The following WDR45B variants were observed in gnomAD, a reference collection of about 807,000 sequenced individuals.
The protein encoded by WDR45B is WD repeat domain phosphoinositide-interacting protein 3.
Under a neutral mutation model 44.6 loss-of-function variants are expected in WDR45B, and 20 were observed. The ratio of observed to expected loss-of-function variants is 0.45; its 90% CI spans 0.32 to 0.65. The LOEUF (loss-of-function observed/expected upper bound fraction) is 0.65, where lower values mean the gene tolerates loss of function less well. WDR45B is among the 30% of genes least tolerant of loss of function. WDR45B has a pLI of 0.05. For synonymous variants in WDR45B, 169 were observed against 164.9 expected, an observed-to-expected ratio of 1.02 and a Z score of -0.19; for missense variants, 323 against 430.2, an observed-to-expected ratio of 0.75 and a Z score of 2.20.
At chr17:82,634,181 T>C (rs1464028113) in intron 2 of WDR45B, among the ~76,000 whole-genome samples, 1 of 107,576 alleles carries the variant, frequency 9.3e-6, no homozygotes. Context: ...AAAAGGCTGA[T>C]TTTTATAAAT....
In WDR45B at chr17:82,648,380, G is replaced by T. The variant is rs770494664; in HGVS notation, c.-40C>A. ...GGGTCGCCGCTCCTCAGCGCTGCAT[G>T]CCTCTCGCTGGGGACGGCGGCCTGG... is the stretch of plus-strand genomic sequence containing the variant. On this transcript the variant is annotated 5_prime_UTR_variant, in exon 1 of 10. Transcript: ENST00000392325. 1 of 1,595,310 alleles carries T rather than the reference G, an allele frequency of 6.3e-7. No homozygotes were observed. Among genetic ancestry groups the T allele is most frequent in the African/African-American group, 1.4e-5 (1 of 73,408 alleles).
Position 82,615,888 on chromosome 17 carries a change from G to A in WDR45B, c.*31C>T. ...AGCCCCGAGAGTCTGAAGGCGGCAGGTGGTGGGTGCTGTGGCGCCCCCAGC... is the reference window on the plus strand; with the variant it reads ...AGCCCCGAGAGTCTGAAGGCGGCAGATGGTGGGTGCTGTGGCGCCCCCAGC... On this transcript the variant is annotated 3_prime_UTR_variant, in exon 10 of 10. Coordinates refer to ENST00000392325, the MANE Select transcript of WDR45B (RefSeq NM_019613.4). The A allele has an allele frequency of 6.3e-7, 1 of 1,597,818 alleles. No individual in the cohort carries two copies. Among genetic ancestry groups the A allele is most frequent in the East Asian group, 2.2e-5 (1 of 44,768 alleles).
chr17:82,642,574 C>A (rs561164244), intron 2 of WDR45B, among the ~76,000 whole-genome samples: 1 of 151,506 alleles, frequency 6.6e-6, no homozygotes, highest in South Asian at 2.1e-4. Context: ...GCCAGTCAGT[C>A]TGAAGTTTAG....
intron 1 of WDR45B, among the ~76,000 whole-genome samples, chr17:82,645,283 G>C (rs2045961849): frequency 6.7e-6 from 1 of 150,150 alleles, no homozygotes; most frequent in Non-Finnish European, 1.5e-5. Context: ...GGGCAACACA[G>C]CAAGACTCCG....
intron 1 of WDR45B, among the ~76,000 whole-genome samples, chr17:82,647,844 T>C (rs1324852886): frequency 1.3e-5 from 2 of 151,760 alleles, no homozygotes; most frequent in Non-Finnish European, 2.9e-5. Flanking sequence ...AACGGGGTTC[T>C]GGGCAGGGCG....
At chr17:82,645,906 G>A (rs1172161903) in intron 1 of WDR45B, among the ~76,000 whole-genome samples, 2 of 150,810 alleles carry the variant, frequency 1.3e-5, no homozygotes, top group Non-Finnish European at 3.0e-5. Context: ...GTGGATCACA[G>A]GGTCAGGAGA....
chr17:82,648,033 G>A (rs1232749484), intron 1 of WDR45B, among the ~76,000 whole-genome samples: 3 of 146,312 alleles, frequency 2.1e-5, no homozygotes, highest in East Asian at 2.0e-4. Context: ...AACCCGGGGG[G>A]TGGGGGAGCG....
chr17:82,647,101 C>A (rs2045987865), intron 1 of WDR45B, among the ~76,000 whole-genome samples: 1 of 152,086 alleles, frequency 6.6e-6, no homozygotes, highest in East Asian at 1.9e-4. Context: ...TGGAGGCAGG[C>A]GCCTGTAATC....
intron 4 of WDR45B, 122 bp from the exon 5 acceptor site, chr17:82,625,605 T>C: frequency 9.6e-7 from 1 of 1,045,774 alleles, no homozygotes; most frequent in Non-Finnish European, 1.4e-6. Context: ...AAAGGAGTGT[T>C]CCTGAAGAAA....
At chr17:82,641,393 C>G (rs144672669) in intron 2 of WDR45B, among the ~76,000 whole-genome samples, 340 of 152,322 alleles carry the variant, frequency 2.2e-3, no homozygotes, top group African/African-American at 7.1e-3. Flanking sequence ...CGGTTCCTGG[C>G]TCATAACTCC....
In WDR45B at chr17:82,625,391, T is replaced by C. The variant is rs1430405275; in HGVS notation, c.425A>G (p.Lys142Arg). The C allele has an allele frequency of 1.2e-6, 2 of 1,613,874 alleles. No homozygotes were observed. The highest frequency in any genetic ancestry group is 1.3e-5 in the African/African-American group (1 of 75,012). Residue 142 changes from lysine (K) to arginine (R), a missense_variant and splice_region_variant, in exon 5 of 10, where the codon AAA becomes AGA. Coordinates refer to ENST00000392325, the MANE Select transcript of WDR45B (RefSeq NM_019613.4). The stretch of plus-strand genomic sequence containing the variant: ...CACCCGTCTGCTCAATCTCTCACCT[T>C]TGGGGTTATAGCAGGTTTCGAAGAC... ...LHVFETCYNP[K>R]GLCVLCPNSN...
intron 2 of WDR45B, among the ~76,000 whole-genome samples, chr17:82,639,063 C>T (rs2045875867): frequency 6.6e-6 from 1 of 152,062 alleles, no homozygotes; most frequent in Admixed American, 6.5e-5. Context: ...CCTCGTGATC[C>T]ACCTGCCTCG....
chr17:82,625,324 T>A, intron 5 of WDR45B, 65 bp downstream of exon 5: 1 of 1,480,490 alleles, frequency 6.8e-7, no homozygotes, highest in Non-Finnish European at 9.4e-7. Context: ...GAGAAGGGAG[T>A]GCCCAGCACA....
At chr17:82,635,015 G>C (rs1480563415) in intron 2 of WDR45B, among the ~76,000 whole-genome samples, 18 of 152,024 alleles carry the variant, frequency 1.2e-4, no homozygotes, top group Non-Finnish European at 2.2e-4. Context: ...GTTACTAGGA[G>C]ACAGGGGAGG....
Position 82,614,657 on chromosome 17 carries a change from G to A in WDR45B, c.*1262C>T, listed in dbSNP as rs2045506595. On this transcript the variant is annotated 3_prime_UTR_variant, in exon 10 of 10. Coordinates refer to ENST00000392325, the MANE Select transcript of WDR45B (RefSeq NM_019613.4). ...TTAAACATCATGATTAAATACACAT[G>A]AAAGGAACATGCATACTTTACAGCA... 1 of 152,628 alleles carries A rather than the reference G, an allele frequency of 6.6e-6. No individual in the cohort carries two copies. The highest frequency in any genetic ancestry group is 1.9e-4 in the East Asian group (1 of 5,204). The allele number at this position is 152,628 out of a possible 1,614,324, so 9.5% of individuals were successfully genotyped here. A position where few individuals can be genotyped will look rare whatever the true frequency, so the allele number is the denominator to read the frequency against.
intron 2 of WDR45B, among the ~76,000 whole-genome samples, chr17:82,635,722 C>T (rs758096174): frequency 5.9e-5 from 9 of 151,900 alleles, no homozygotes; most frequent in Admixed American, 1.3e-4. Flanking sequence ...TGTGCGCAGC[C>T]GTCTTTTCAA....
In WDR45B at chr17:82,615,605, T is replaced by C. The variant is rs1324470596; in HGVS notation, c.*314A>G. 2.3e-6 allele frequency: 1 copy of C among 433,920 alleles called. No individual in the cohort carries two copies. The highest frequency in any genetic ancestry group is 4.3e-6 in the Non-Finnish European group (1 of 231,706). The allele number at this position is 433,920 out of a possible 1,614,324, so 26.9% of individuals were successfully genotyped here. On this transcript the variant is annotated 3_prime_UTR_variant, in exon 10 of 10. Transcript: ENST00000392325. The stretch of plus-strand genomic sequence containing the variant: ...TCTCAGCCCAGTCCCCAGGTCCGTA[T>C]GGAGCCCCCGTCAGTGTGAGGATGC...
chr17:82,640,071 C>G (rs1244838648), intron 2 of WDR45B, among the ~76,000 whole-genome samples: 1 of 152,114 alleles, frequency 6.6e-6, no homozygotes, highest in Admixed American at 6.6e-5. Flanking sequence ...ACAACACTGC[C>G]CCCCAAGACT....
At chr17:82,648,150 C>T in intron 1 of WDR45B, 124 bp downstream of exon 1, 5 of 1,142,410 alleles carry the variant, frequency 4.4e-6, no homozygotes, top group Non-Finnish European at 5.9e-6. Flanking sequence ...GGAGCTCGGG[C>T]GGGGCCGGGG....
Sources: gnomAD v4.1 joint callset for allele counts (sites outside exome capture counted in the v4.1 genomes callset) on GRCh38, gnomAD v4.1.1 for gene constraint, MANE v1.5 for transcripts, NCBI Gene and HGNC (gene_info 2026-07-23, HGNC 2026-07-21) for gene names.